Variants in CYP27C1 observed in about 807,000 individuals in gnomAD.
The protein encoded by CYP27C1 is cytochrome P450 family 27 subfamily C member 1.
In CYP27C1, 29 loss-of-function variants were observed where a neutral mutation model predicts 40.6. That is an observed-to-expected ratio of 0.71 (90% CI 0.53 to 0.97). CYP27C1 has a LOEUF of 0.97. Ranked by LOEUF, CYP27C1 falls within the 50% of genes least tolerant of loss-of-function variation. The probability of loss-of-function intolerance (pLI) is 0.00; values close to 1 mark genes in which losing one functional copy is unlikely to be tolerated. For missense variants in CYP27C1, 390 were observed against 485.8 expected (o/e 0.80, Z 1.85); for synonymous variants, 198 against 186.8 (o/e 1.06, Z -0.49).
At position 127,209,514 on chromosome 2, in the gene CYP27C1, A is replaced by G. The variant is rs1683296823; in HGVS notation, c.283-3424T>C. Among the ~76,000 whole-genome samples the G allele has an allele frequency of 6.6e-6, 1 of 152,234 alleles. No individual in the cohort carries two copies. Among genetic ancestry groups the G allele is most frequent in the South Asian group, 2.1e-4 (1 of 4,834 alleles). ...AGCACAGAACTGGATGGAGGATCAG[A>G]TGGACGAATTGACAGAAGTACACTT... On this transcript the variant is annotated intron_variant, in intron 1 of 8. Transcript: ENST00000664447. The surrounding 1 kb of genome is among the most constrained non-coding windows in gnomAD (Gnocchi z 4.1).
Position 127,209,366 on chromosome 2 carries a change from C to T in CYP27C1, c.283-3276G>A, listed in dbSNP as rs1683294452. ...CACAAAAACCCCATCCAAGGGTCAG[C>T]AGCCTCAAGACTGAAACTAGACAAA... On this transcript the variant is annotated intron_variant, in intron 1 of 8. Transcript: ENST00000664447. This position sits in a 1 kb window ranked among gnomAD's most constrained non-coding sequence, Gnocchi z 4.1. Among the ~76,000 whole-genome samples the T allele has an allele frequency of 6.6e-6, 1 of 152,188 alleles. No individual in the cohort carries two copies. The highest frequency in any genetic ancestry group is 2.1e-4 in the South Asian group (1 of 4,826).
chr2:127,201,414 T>C lies in CYP27C1; in HGVS notation c.674-83A>G. ...CAATGTTGGGCCATAAATGCAACTT[T>C]CAAACGTGGTCCAGGTGCCTTTCAT... On this transcript the variant is annotated intron_variant, in intron 3 of 8. Transcript: ENST00000664447. The surrounding 1 kb of genome is among the most constrained non-coding windows in gnomAD (Gnocchi z 6.0). 1 of 1,353,042 alleles carries C rather than the reference T, an allele frequency of 7.4e-7. No individual in the cohort carries two copies. Among genetic ancestry groups the C allele is most frequent in the Non-Finnish European group, 1.0e-6 (1 of 978,010 alleles). 83.8% of individuals were successfully genotyped at this position (1,353,042 alleles called of 1,614,324 possible). A position where few individuals can be genotyped will look rare whatever the true frequency, so the allele number is the denominator to read the frequency against.
Position 127,201,034 on chromosome 2 carries a change from T to G in CYP27C1, c.883+88A>C. 7.7e-7 allele frequency: 1 copy of G among 1,299,238 alleles called. No homozygotes were observed. The highest frequency in any genetic ancestry group is 1.3e-5 in the South Asian group (1 of 77,230). The allele number at this position is 1,299,238 out of a possible 1,614,324, so 80.5% of individuals were successfully genotyped here. A position where few individuals can be genotyped will look rare whatever the true frequency, so the allele number is the denominator to read the frequency against. On this transcript the variant is annotated intron_variant, in intron 4 of 8. Coordinates refer to ENST00000664447, the MANE Select transcript of CYP27C1 (RefSeq NM_001367502.1). The surrounding 1 kb of genome is among the most constrained non-coding windows in gnomAD (Gnocchi z 6.0). The stretch of plus-strand genomic sequence containing the variant: ...GACTACATCTAGGCATCCTCTGCTA[T>G]GGTCACCCATTGTCTGGATGAGAGT...
At chr2:127,211,027 C>T (rs1683325135) in intron 1 of CYP27C1, among the ~76,000 whole-genome samples, 1 of 152,174 alleles carries the variant, frequency 6.6e-6, no homozygotes, top group Non-Finnish European at 1.5e-5. Context: ...TAGTAGATGT[C>T]TACAGAACTC....
Position 127,209,821 on chromosome 2 carries a change from G to T in CYP27C1, c.283-3731C>A, listed in dbSNP as rs912293319. ...CATGCAGACAAGAATAGAGAAAAAA[G>T]AATGAAAAGGAATAAACAAAGCCTC... is the stretch of plus-strand genomic sequence containing the variant. On this transcript the variant is annotated intron_variant, in intron 1 of 8. Transcript: ENST00000664447. The surrounding 1 kb of genome is among the most constrained non-coding windows in gnomAD (Gnocchi z 4.1). Among the ~76,000 whole-genome samples the T allele has an allele frequency of 2.6e-5, 4 of 152,032 alleles. No homozygotes were observed. Among genetic ancestry groups the T allele is most frequent in the African/African-American group, 7.2e-5 (3 of 41,394 alleles).
In CYP27C1 at chr2:127,201,395, T is replaced by C; in HGVS notation, c.674-64A>G. 1 of 1,521,060 alleles carries C rather than the reference T, an allele frequency of 6.6e-7. No homozygotes were observed. Among genetic ancestry groups the C allele is most frequent in the Non-Finnish European group, 9.0e-7 (1 of 1,114,622 alleles). The allele number at this position is 1,521,060 out of a possible 1,614,324, so 94.2% of individuals were successfully genotyped here. A position where few individuals can be genotyped will look rare whatever the true frequency, so the allele number is the denominator to read the frequency against. The stretch of plus-strand genomic sequence containing the variant: ...TATTTACCATACCAACAGGCAATGT[T>C]GGGCCATAAATGCAACTTTCAAACG... On this transcript the variant is annotated intron_variant, in intron 3 of 8. Transcript: ENST00000664447. This position sits in a 1 kb window ranked among gnomAD's most constrained non-coding sequence, Gnocchi z 6.0.
At position 127,204,464 on chromosome 2, in the gene CYP27C1, GAAA is replaced by G. The variant is rs1318322528; in HGVS notation, c.474-896_474-894del. Among the ~76,000 whole-genome samples the G allele has an allele frequency of 7.9e-3, 555 of 70,698 alleles. 55 individuals are homozygous for G. The highest frequency in any genetic ancestry group is 0.047 in the East Asian group (110 of 2,348). The allele number at this position is 70,698 out of a possible 152,430, so 46.4% of individuals were successfully genotyped here. On this transcript the variant is annotated intron_variant, in intron 2 of 8. Coordinates refer to ENST00000664447, the MANE Select transcript of CYP27C1 (RefSeq NM_001367502.1). ...AAAAAGAAAGAAAGAAAGAAAGAAA[GAAA>G]GAAAGAAAGAAAGAAAGAAAGGAAG...
chr2:127,187,310 T>G lies in CYP27C1; in HGVS notation c.1575A>C (p.Pro525=), dbSNP rs141728411. 5.8e-5 allele frequency: 93 copies of G among 1,614,194 alleles called. No homozygotes were observed. In the African/African-American group the frequency reaches 1.1e-3, roughly 19 times the overall value. The change falls in exon 9 of 9, where the codon CCA becomes CCC. Residue 525 remains proline, a synonymous_variant. Coordinates refer to ENST00000664447, the MANE Select transcript of CYP27C1 (RefSeq NM_001367502.1). ...CAAATCGCACGTGGATGGGCCCCCC[T>G]GGCGTCAGGAGCCCGTGGGTTTTTG... ...VHAKTHGLLT[P]GGPIHVRFVN... is the part of the protein sequence containing the mutation.
Position 127,201,511 on chromosome 2 carries a change from G to C in CYP27C1, c.674-180C>G, listed in dbSNP as rs1316583051. On this transcript the variant is annotated intron_variant, in intron 3 of 8. Coordinates refer to ENST00000664447, the MANE Select transcript of CYP27C1 (RefSeq NM_001367502.1). The surrounding 1 kb of genome is among the most constrained non-coding windows in gnomAD (Gnocchi z 6.0). Reference sequence around the variant, plus strand: ...AGGGTGCTGGCATTTAGGGCTGACAGGTGGTGCTGTTGCTGCTTCACCTAA... The same window carrying C: ...AGGGTGCTGGCATTTAGGGCTGACACGTGGTGCTGTTGCTGCTTCACCTAA... Among the ~76,000 whole-genome samples the C allele has an allele frequency of 6.6e-6, 1 of 152,202 alleles. No homozygotes were observed. The highest frequency in any genetic ancestry group is 1.5e-5 in the Non-Finnish European group (1 of 68,034).
rs78516281 is a variant in CYP27C1 at position 127,186,988 on chromosome 2, G to C, written c.*283C>G. 0.11 allele frequency: 43,552 copies of C among 378,820 alleles called. 2,907 individuals are homozygous for C. Among genetic ancestry groups the C allele is most frequent in the African/African-American group, 0.14 (7,070 of 49,506 alleles). The allele number at this position is 378,820 out of a possible 1,614,324, so 23.5% of individuals were successfully genotyped here. On this transcript the variant is annotated 3_prime_UTR_variant, in exon 9 of 9. Transcript: ENST00000664447. The surrounding 1 kb of genome is among the most constrained non-coding windows in gnomAD (Gnocchi z 4.5). The stretch of plus-strand genomic sequence containing the variant: ...GATACTGCCAGTCATTAAATATTGA[G>C]TCTAGCACAATGTATGAAGCATAAA...
rs1206877027 is a variant in CYP27C1 at position 127,195,594 on chromosome 2, C to G, written c.1048-93G>C. 7.5e-7 allele frequency: 1 copy of G among 1,325,404 alleles called. No individual in the cohort carries two copies. The highest frequency in any genetic ancestry group is 2.1e-5 in the Admixed American group (1 of 46,970). 82.1% of individuals were successfully genotyped at this position (1,325,404 alleles called of 1,614,324 possible). A position where few individuals can be genotyped will look rare whatever the true frequency, so the allele number is the denominator to read the frequency against. On this transcript the variant is annotated intron_variant, in intron 5 of 8. Coordinates refer to ENST00000664447, the MANE Select transcript of CYP27C1 (RefSeq NM_001367502.1). This position sits in a 1 kb window ranked among gnomAD's most constrained non-coding sequence, Gnocchi z 6.2. ...GCAGGTAGGAAGTCCCCTGGGAATACACACAGCACAAAGTCAAACTCATCC... is the reference window on the plus strand; with the variant it reads ...GCAGGTAGGAAGTCCCCTGGGAATAGACACAGCACAAAGTCAAACTCATCC...
In CYP27C1 at chr2:127,208,927, T is replaced by G. The variant is rs980775381; in HGVS notation, c.283-2837A>C. Among the ~76,000 whole-genome samples, 4 of 152,152 alleles carry G rather than the reference T, an allele frequency of 2.6e-5. No homozygotes were observed. The highest frequency in any genetic ancestry group is 9.7e-5 in the African/African-American group (4 of 41,420). On this transcript the variant is annotated intron_variant, in intron 1 of 8. Coordinates refer to ENST00000664447, the MANE Select transcript of CYP27C1 (RefSeq NM_001367502.1). This position sits in a 1 kb window ranked among gnomAD's most constrained non-coding sequence, Gnocchi z 5.2. The stretch of plus-strand genomic sequence containing the variant: ...CAGCAGATTTAGCCTCTTCTCCTGG[T>G]AGTTCTGAGGAATCCAGGCAATCCA...
chr2:127,194,015 G>A lies in CYP27C1; in HGVS notation c.1215-148C>T. ...ATTTTCAACTGAAACATTTTGCAAG[G>A]ACCTTTGCTGCTTCTTTGTTGGCTT... is the stretch of plus-strand genomic sequence containing the variant. On this transcript the variant is annotated intron_variant, in intron 6 of 8. Coordinates refer to ENST00000664447, the MANE Select transcript of CYP27C1 (RefSeq NM_001367502.1). The A allele has an allele frequency of 4.6e-6, 4 of 874,756 alleles. No homozygotes were observed. In the South Asian group the frequency reaches 7.2e-5, roughly 16 times the overall value. 54.2% of individuals were successfully genotyped at this position (874,756 alleles called of 1,614,324 possible). A position where few individuals can be genotyped will look rare whatever the true frequency, so the allele number is the denominator to read the frequency against.
intron 1 of CYP27C1, among the ~76,000 whole-genome samples, chr2:127,215,521 TA>T (rs1196943035): frequency 6.6e-6 from 1 of 152,110 alleles, no homozygotes; most frequent in Non-Finnish European, 1.5e-5. Flanking sequence ...AAAAAATCGA[TA>T]ATAGGACTTC....
At chr2:127,214,922 A>C (rs1444929813) in intron 1 of CYP27C1, among the ~76,000 whole-genome samples, 1 of 150,266 alleles carries the variant, frequency 6.7e-6, no homozygotes, top group Non-Finnish European at 1.5e-5. Flanking sequence ...AGGTCAGGAG[A>C]TCTAGACCAT....
chr2:127,199,489 G>A lies in CYP27C1; in HGVS notation c.934C>T (p.Arg312Ter), dbSNP rs144868331. 46 of 1,614,140 alleles carry A rather than the reference G, an allele frequency of 2.8e-5. 2 individuals are homozygous for A. The Middle Eastern group carries it at 4.9e-3, about 174-fold the overall frequency. Residue 312 changes from arginine (R) to a stop codon, truncating the protein, a stop_gained, in exon 5 of 9, where the codon CGA (arginine) becomes TGA (stop). Coordinates refer to ENST00000664447, the MANE Select transcript of CYP27C1 (RefSeq NM_001367502.1). LOFTEE classifies it high-confidence loss of function. ...KLRDIQYQMD[R>*]GRRVSGGLLT... ...AGTCCCCCGCTCACCCTCCGGCCTC[G>A]GTCCATTTGGTACTGTATGTCCCTC... is the stretch of plus-strand genomic sequence containing the variant.
rs770135527 is a variant in CYP27C1, at chr2:127,199,473, C to T, written c.950G>A (p.Ser317Asn). 4 of 1,614,238 alleles carry T rather than the reference C, an allele frequency of 2.5e-6. No individual in the cohort carries two copies. The highest frequency in any genetic ancestry group is 3.4e-6 in the Non-Finnish European group (4 of 1,180,044). Reference sequence around the variant, plus strand: ...GAAGAGGTATGTGAGAAGTCCCCCGCTCACCCTCCGGCCTCGGTCCATTTG... The same window carrying T: ...GAAGAGGTATGTGAGAAGTCCCCCGTTCACCCTCCGGCCTCGGTCCATTTG... Reference protein sequence around the residue: ...QYQMDRGRRVSGGLLTYLFLS... With the variant: ...QYQMDRGRRVNGGLLTYLFLS... The change falls in exon 5 of 9, where the codon AGC becomes AAC. Residue 317 changes from serine (S) to asparagine (N), a missense_variant. By Grantham distance (46) the Ser-to-Asn change is conservative. Transcript: ENST00000664447.
intron 8 of CYP27C1, 85 bp downstream of exon 8, chr2:127,193,009 C>A: frequency 6.6e-7 from 1 of 1,523,886 alleles, no homozygotes; most frequent in African/African-American, 1.4e-5. Context: ...ACCGTCTTTG[C>A]TTTTCAACCT....
chr2:127,192,989 A>T, intron 8 of CYP27C1, 105 bp downstream of exon 8: 4 of 1,430,610 alleles, frequency 2.8e-6, no homozygotes, highest in African/African-American at 1.4e-5. Flanking sequence ...CTTGATCTTA[A>T]GTTTCCAAAA....
Sources: gnomAD v4.1 joint callset for allele counts (sites outside exome capture counted in the v4.1 genomes callset) on GRCh38, gnomAD v4.1.1 for gene constraint, Gnocchi (gnomAD v3.1) non-coding constraint, MANE v1.5 for transcripts, NCBI Gene and HGNC (gene_info 2026-07-23, HGNC 2026-07-21) for gene names.